Variants in IGSF6 observed in about 807,000 individuals in gnomAD.
The protein encoded by IGSF6 is immunoglobulin superfamily member 6.
IGSF6 carries 23 observed loss-of-function variants against 24.7 expected under a neutral mutation model. That is an observed-to-expected ratio of 0.93 (90% CI 0.67 to 1.32). IGSF6 has a LOEUF of 1.32. IGSF6 is among the 40% of genes most tolerant of loss of function. IGSF6 has a pLI of 0.00. For missense variants in IGSF6, 295 were observed against 293.6 expected (o/e 1.00, Z -0.04); for synonymous variants, 110 against 113.7 (o/e 0.97, Z 0.21).
chr16:21,652,554 G>C lies in IGSF6; in HGVS notation c.45C>G (p.Thr15=). 6.2e-7 allele frequency: 1 copy of C among 1,611,920 alleles called. No individual in the cohort carries two copies. Among genetic ancestry groups the C allele is most frequent in the Non-Finnish European group, 8.5e-7 (1 of 1,178,896 alleles). The change falls in exon 1 of 6, where the codon ACC becomes ACG. Residue 15 remains threonine, a synonymous_variant. Transcript: ENST00000268389. ...TACCGACACAAAATAGAATGAGATTGGTTTGCAGATGGCGAGCGATGTTGC... is the reference window on the plus strand; with the variant it reads ...TACCGACACAAAATAGAATGAGATTCGTTTGCAGATGGCGAGCGATGTTGC... The part of the protein sequence containing the change: ...SRSNIARHLQ[T]NLILFCVGAV...
At chr16:21,641,637 A>G in intron 5 of IGSF6, 44 bp from the exon 6 acceptor site, 1 of 1,301,574 alleles carries the variant, frequency 7.7e-7, no homozygotes, top group Non-Finnish European at 1.1e-6. Context: ...AGGTTATGTA[A>G]CCAATGAAGC....
chr16:21,643,235 C>A, intron 4 of IGSF6, 81 bp from the exon 5 acceptor site: 1 of 1,067,866 alleles, frequency 9.4e-7, no homozygotes, highest in Admixed American at 1.8e-5. Context: ...ACTTTTCTTG[C>A]TCTATTGCCA....
intron 1 of IGSF6, among the ~76,000 whole-genome samples, chr16:21,649,439 G>A (rs1452983691): frequency 6.6e-6 from 1 of 152,120 alleles, no homozygotes; most frequent in Non-Finnish European, 1.5e-5. Context: ...GTCTGTGGGA[G>A]GCCCAGCTCA....
intron 2 of IGSF6, 123 bp downstream of exon 2, chr16:21,647,010 A>G (rs1191676495): frequency 7.0e-6 from 9 of 1,276,612 alleles, no homozygotes; most frequent in Middle Eastern, 1.8e-4. Context: ...GATCACACCC[A>G]TCACTGGCTA....
intron 1 of IGSF6, among the ~76,000 whole-genome samples, chr16:21,651,535 C>A (rs890540849): frequency 6.6e-6 from 1 of 152,012 alleles, no homozygotes; most frequent in East Asian, 1.9e-4. Flanking sequence ...CTCCTGAGCT[C>A]AAGTGATCCT....
At chr16:21,645,759 GAC>G (rs1256139527) in intron 2 of IGSF6, among the ~76,000 whole-genome samples, 1 of 152,154 alleles carries the variant, frequency 6.6e-6, no homozygotes, top group Non-Finnish European at 1.5e-5. Flanking sequence ...AATGCAGTGA[GAC>G]ATACAAATCT....
chr16:21,647,484 C>T lies in IGSF6; in HGVS notation c.76G>A (p.Gly26Ser). The change falls in exon 2 of 6, where the codon GGC (glycine) becomes AGC (serine). Residue 26 changes from glycine (G) to serine (S), a missense_variant. Transcript: ENST00000268389. ...TGTGTGACAGAGAGAGTACAGGCGC[C>T]CACAGCACCTGTGGGAGGAAGCAGA... ...NLILFCVGAV[G>S]ACTLSVTQPW... 1 of 1,609,466 alleles carries T rather than the reference C, an allele frequency of 6.2e-7. No individual in the cohort carries two copies. The highest frequency in any genetic ancestry group is 8.5e-7 in the Non-Finnish European group (1 of 1,176,210).
rs760770473 is a variant in IGSF6, at chr16:21,643,171, G to GA, written c.586-18dup. 543 of 1,562,094 alleles carry GA rather than the reference G, an allele frequency of 3.5e-4. No individual in the cohort carries two copies. The highest frequency in any genetic ancestry group is 9.3e-4 in the Admixed American group (54 of 57,944). On this transcript the variant is annotated splice_polypyrimidine_tract_variant and intron_variant, in intron 4 of 5. Coordinates refer to ENST00000268389, the MANE Select transcript of IGSF6 (RefSeq NM_005849.4). ...ACTCTTCTTCTATAAAGACAAATGA[G>GA]AAAAAAAAATTCTCTTTTGGGAATA...
chr16:21,639,810 A>G lies in IGSF6; in HGVS notation c.*1724T>C, dbSNP rs908259526. 1 of 152,206 alleles carries G rather than the reference A, an allele frequency of 6.6e-6. No individual in the cohort carries two copies. Among genetic ancestry groups the G allele is most frequent in the African/African-American group, 2.4e-5 (1 of 41,430 alleles). 9.4% of individuals were successfully genotyped at this position (152,206 alleles called of 1,614,324 possible). A position where few individuals can be genotyped will look rare whatever the true frequency, so the allele number is the denominator to read the frequency against. ...CATAGGATCAGGAAAGTTTGATATC[A>G]CTGATTTAAACCATCAATGCAAAAA... On this transcript the variant is annotated 3_prime_UTR_variant, in exon 6 of 6. Coordinates refer to ENST00000268389, the MANE Select transcript of IGSF6 (RefSeq NM_005849.4).
chr16:21,642,227 C>T (rs1300305262), intron 5 of IGSF6: 3 of 152,054 alleles, frequency 2.0e-5, no homozygotes, highest in African/African-American at 7.2e-5. Flanking sequence ...TCTCCTGATG[C>T]ATTTGCCCTC....
intron 2 of IGSF6, among the ~76,000 whole-genome samples, chr16:21,645,673 A>G (rs980729967): frequency 6.6e-6 from 1 of 152,206 alleles, no homozygotes; most frequent in African/African-American, 2.4e-5. Flanking sequence ...TTCACTTTAT[A>G]TAAGCCTTGC....
intron 2 of IGSF6, among the ~76,000 whole-genome samples, chr16:21,645,109 A>G (rs1424887843): frequency 6.6e-6 from 1 of 152,218 alleles, no homozygotes; most frequent in Non-Finnish European, 1.5e-5. Flanking sequence ...TACAAAATAC[A>G]ATTAGATTTG....
chr16:21,647,154 C>T lies in IGSF6; in HGVS notation c.406G>A (p.Gly136Arg), dbSNP rs1966450883. The T allele has an allele frequency of 6.2e-7, 1 of 1,614,042 alleles. No individual in the cohort carries two copies. The highest frequency in any genetic ancestry group is 8.5e-7 in the Non-Finnish European group (1 of 1,180,020). The stretch of plus-strand genomic sequence containing the variant: ...TGACCTCTTACCACCAGTGTGGTCC[C>T]TCCTCCTGTCTGTTTAGCTCTCGCT... Reference protein sequence around the residue: ...PEARAKQTGGGTTLVVREIKL... With the variant: ...PEARAKQTGGRTTLVVREIKL... The change falls in exon 2 of 6, where the codon GGG becomes AGG. Residue 136 changes from glycine to arginine, a missense_variant. Gly to Arg is a moderately radical substitution (Grantham distance 125). Coordinates refer to ENST00000268389, the MANE Select transcript of IGSF6 (RefSeq NM_005849.4).
At chr16:21,644,954 T>C (rs1966387195) in intron 2 of IGSF6, among the ~76,000 whole-genome samples, 1 of 152,246 alleles carries the variant, frequency 6.6e-6, no homozygotes, top group African/African-American at 2.4e-5. Context: ...AAATGTGCTC[T>C]TCTTTCTTTA....
intron 2 of IGSF6, among the ~76,000 whole-genome samples, 184 bp from the exon 3 acceptor site, chr16:21,644,580 G>A (rs184810682): frequency 6.6e-6 from 1 of 152,262 alleles, no homozygotes; most frequent in East Asian, 1.9e-4. Context: ...CAGTTCATCA[G>A]TTCTTTAAAT....
At position 21,641,781 on chromosome 16, in the gene IGSF6, CT is replaced by C. The variant is rs916803715; in HGVS notation, c.667-189del. The stretch of plus-strand genomic sequence containing the variant: ...AGTAGGATGTGGGAACTGAAAAATA[CT>C]TTTTTTTTTTGTTTGGATGCTACTG... On this transcript the variant is annotated intron_variant, in intron 5 of 5. Coordinates refer to ENST00000268389, the MANE Select transcript of IGSF6 (RefSeq NM_005849.4). Among the ~76,000 whole-genome samples the C allele has an allele frequency of 5.3e-4, 78 of 146,704 alleles. 1 individual carries two copies. Among genetic ancestry groups the C allele is most frequent in the East Asian group, 2.4e-3 (12 of 5,046 alleles).
intron 2 of IGSF6, among the ~76,000 whole-genome samples, chr16:21,645,643 A>G (rs1003112386): frequency 1.3e-5 from 2 of 152,302 alleles, no homozygotes; most frequent in South Asian, 2.1e-4. Flanking sequence ...AACACTTTCA[A>G]TTCTGCCTTT....
In IGSF6 at chr16:21,640,995, T is replaced by C. The variant is rs940012422; in HGVS notation, c.*539A>G. The C allele has an allele frequency of 1.3e-5, 2 of 152,258 alleles. No homozygotes were observed. Among genetic ancestry groups the C allele is most frequent in the Non-Finnish European group, 2.9e-5 (2 of 68,126 alleles). 9.4% of individuals were successfully genotyped at this position (152,258 alleles called of 1,614,324 possible). A position where few individuals can be genotyped will look rare whatever the true frequency, so the allele number is the denominator to read the frequency against. On this transcript the variant is annotated 3_prime_UTR_variant, in exon 6 of 6. Coordinates refer to ENST00000268389, the MANE Select transcript of IGSF6 (RefSeq NM_005849.4). The stretch of plus-strand genomic sequence containing the variant: ...AGCCACTATATTATTCTCATTTTGC[T>C]GATAGCATGATGTAAGTTACTTTGC...
intron 1 of IGSF6, among the ~76,000 whole-genome samples, chr16:21,649,981 G>GT (rs919111521): frequency 2.0e-5 from 3 of 152,122 alleles, no homozygotes; most frequent in African/African-American, 7.2e-5. Flanking sequence ...ATTGGGTAGT[G>GT]TTTTTAAAAG....
Sources: gnomAD v4.1 joint callset for allele counts (sites outside exome capture counted in the v4.1 genomes callset) on GRCh38, gnomAD v4.1.1 for gene constraint, MANE v1.5 for transcripts, NCBI Gene and HGNC (gene_info 2026-07-23, HGNC 2026-07-21) for gene names.